The following ZFAT variants were observed in gnomAD, a reference collection of about 807,000 sequenced individuals.
ZFAT encodes the protein zinc finger and AT-hook domain containing, also known as zinc finger protein ZFAT.
A neutral mutation model predicts 117.7 loss-of-function variants in ZFAT; 64 were observed. The observed-to-expected ratio is 0.54, with a 90% CI of 0.44 to 0.67. The LOEUF (loss-of-function observed/expected upper bound fraction) is 0.67, where lower values mean the gene tolerates loss of function less well. ZFAT is among the 30% of genes least tolerant of loss of function. The pLI, the probability that ZFAT is intolerant of heterozygous loss-of-function variation, is 0.00. For synonymous variants in ZFAT, 679 were observed against 615.0 expected (o/e 1.10, Z -1.54); for missense variants, 1,433 against 1,584.5 (o/e 0.90, Z 1.62).
the ZFAT span, among the ~76,000 whole-genome samples, chr8:134,744,302 T>G: frequency 2.0e-4 from 30 of 151,148 alleles, no homozygotes; most frequent in Non-Finnish European, 3.1e-4. Context: ...AGAGTTTTTT[T>G]TTTTTTTTTT....
intron 10 of ZFAT, among the ~76,000 whole-genome samples, chr8:134,581,092 G>A (rs958475367): frequency 6.6e-6 from 1 of 152,022 alleles, no homozygotes; most frequent in Non-Finnish European, 1.5e-5. Flanking sequence ...ACAGAAATAA[G>A]CAAGAGATGT....
chr8:134,717,466 CTTTTTTTTTTTTTTTTTTTTT>C (rs746460924), upstream of ZFAT, among the ~76,000 whole-genome samples: 6 of 19,360 alleles, frequency 3.1e-4, no homozygotes, highest in East Asian at 6.0e-3. Context: ...AATAACAACT[CTTTTTTTTTTTTTTTTTTTTT>C]TTTTTTTTTT....
intron 10 of ZFAT, among the ~76,000 whole-genome samples, chr8:134,566,414 T>C (rs1380132189): frequency 1.0e-5 from 1 of 97,272 alleles, no homozygotes; most frequent in Non-Finnish European, 2.2e-5. Flanking sequence ...AAAAAAAGAT[T>C]AAGGTTTTAG....
chr8:134,547,559 C>A (rs917331365), intron 11 of ZFAT, among the ~76,000 whole-genome samples: 1 of 152,210 alleles, frequency 6.6e-6, no homozygotes, highest in Non-Finnish European at 1.5e-5. Flanking sequence ...AACACCACTG[C>A]AGTAGTGAAG....
chr8:134,768,776 G>C, the ZFAT span, among the ~76,000 whole-genome samples: 2 of 152,172 alleles, frequency 1.3e-5, no homozygotes, highest in Admixed American at 6.5e-5. Flanking sequence ...ATATTATTCT[G>C]CCTTGGCCCT....
chr8:134,641,590 AT>A (rs1325343957), intron 2 of ZFAT, among the ~76,000 whole-genome samples: 4 of 151,930 alleles, frequency 2.6e-5, no homozygotes, highest in Non-Finnish European at 4.4e-5. Flanking sequence ...GATTGTTTCG[AT>A]TTTTCCCCAC....
chr8:134,572,439 T>C (rs1467418155), intron 10 of ZFAT, among the ~76,000 whole-genome samples: 2 of 152,188 alleles, frequency 1.3e-5, no homozygotes, highest in Non-Finnish European at 2.9e-5. Context: ...AGAAGACAGA[T>C]CTTTCAACGC....
chr8:134,803,381 C>T, the ZFAT span, among the ~76,000 whole-genome samples: 1 of 152,194 alleles, frequency 6.6e-6, no homozygotes, highest in African/African-American at 2.4e-5. Context: ...TCAGCAATAA[C>T]TATCCTTTCA....
At chr8:134,789,995 T>C in the ZFAT span, among the ~76,000 whole-genome samples, 1 of 152,246 alleles carries the variant, frequency 6.6e-6, no homozygotes, top group Non-Finnish European at 1.5e-5. Context: ...AGAGAATGCA[T>C]ACTCTAGTGG....
At chr8:134,579,414 G>T (rs1021844441) in intron 10 of ZFAT, among the ~76,000 whole-genome samples, 1 of 152,176 alleles carries the variant, frequency 6.6e-6, no homozygotes, top group Non-Finnish European at 1.5e-5. Context: ...AAAATGGAGA[G>T]CCAAGAGAAA....
intron 15 of ZFAT, among the ~76,000 whole-genome samples, chr8:134,508,762 C>T (rs1250807927): frequency 6.6e-6 from 1 of 152,216 alleles, no homozygotes; most frequent in African/African-American, 2.4e-5. Flanking sequence ...TGGAACTCTG[C>T]CTGACAACAG....
intron 15 of ZFAT, among the ~76,000 whole-genome samples, chr8:134,497,081 G>C (rs994361919): frequency 6.6e-6 from 1 of 152,242 alleles, no homozygotes; most frequent in East Asian, 1.9e-4. Flanking sequence ...AGCACGGGCG[G>C]GGTAGGTCTT....
chr8:134,599,733 G>A (rs1827260558), intron 7 of ZFAT: 4 of 454,806 alleles, frequency 8.8e-6, no homozygotes, highest in Non-Finnish European at 1.3e-5. Flanking sequence ...ACCACACCTG[G>A]GGCCAGATGT....
chr8:134,630,711 G>GAA lies in ZFAT; in HGVS notation c.448+6748_448+6749dup, dbSNP rs138220948. 5.5e-3 allele frequency among the ~76,000 whole-genome samples: 836 copies of GAA among 151,178 alleles called. 5 individuals are homozygous for GAA. The highest frequency in any genetic ancestry group is 0.019 in the African/African-American group (769 of 41,214). On this transcript the variant is annotated intron_variant, in intron 3 of 15. Transcript: ENST00000377838. ...CACCAGCTGTTCTACATAACTACAG[G>GAA]AAAAAAAAATCTCTTTTCCTGGTTT...
intron 1 of ZFAT, among the ~76,000 whole-genome samples, chr8:134,658,618 A>G (rs545572617): frequency 1.3e-4 from 20 of 152,248 alleles, no homozygotes; most frequent in Non-Finnish European, 1.9e-4. Context: ...GCAGGAAGAC[A>G]TAATAAGGGA....
At chr8:134,554,454 T>C (rs1356528939) in intron 11 of ZFAT, among the ~76,000 whole-genome samples, 1 of 152,252 alleles carries the variant, frequency 6.6e-6, no homozygotes, top group East Asian at 1.9e-4. Flanking sequence ...CCTTTTGTCC[T>C]ACTTTTATCT....
intron 9 of ZFAT, among the ~76,000 whole-genome samples, chr8:134,586,750 C>G (rs190921673): frequency 6.6e-6 from 1 of 152,358 alleles, no homozygotes; most frequent in African/African-American, 2.4e-5. Context: ...TCACTCCTGT[C>G]TCAGTGTAGG....
intron 2 of ZFAT, among the ~76,000 whole-genome samples, chr8:134,654,421 G>A (rs1396826223): frequency 6.6e-6 from 1 of 152,192 alleles, no homozygotes; most frequent in Non-Finnish European, 1.5e-5. Context: ...GTCTGGAGGA[G>A]ATAAGGGAAG....
chr8:134,756,697 C>A, the ZFAT span, among the ~76,000 whole-genome samples: 2 of 152,238 alleles, frequency 1.3e-5, no homozygotes, highest in South Asian at 4.1e-4. Context: ...TCCTAAGGGG[C>A]AGCTCACGGC....
Sources: allele counts gnomAD v4.1 joint callset (sites outside exome capture counted in the v4.1 genomes callset), GRCh38; gene constraint gnomAD v4.1.1; transcripts MANE v1.5; gene names NCBI Gene and HGNC (gene_info 2026-07-23, HGNC 2026-07-21).